Variants in HACD4 observed in about 807,000 individuals in gnomAD.
HACD4 encodes very-long-chain (3R)-3-hydroxyacyl-CoA dehydratase 4.
Under a neutral mutation model 33.3 loss-of-function variants are expected in HACD4, and 35 were observed. The ratio of observed to expected loss-of-function variants is 1.05; its 90% CI spans 0.80 to 1.39. HACD4 has a LOEUF of 1.39. Ranked by LOEUF, HACD4 falls within the 40% of genes most tolerant of loss-of-function variation. HACD4 has a pLI of 0.00. For missense variants in HACD4, 323 were observed against 276.5 expected (o/e 1.17, Z -1.19); for synonymous variants, 118 against 98.0 (o/e 1.20, Z -1.21).
At chr9:21,025,954 C>T (rs1818050185) in intron 3 of HACD4, among the ~76,000 whole-genome samples, 1 of 152,128 alleles carries the variant, frequency 6.6e-6, no homozygotes, top group Admixed American at 6.5e-5. Context: ...ATGTATACAA[C>T]TAGTGCAAAG....
intron 5 of HACD4, among the ~76,000 whole-genome samples, chr9:21,009,275 C>A (rs1160805651): frequency 6.6e-6 from 1 of 152,130 alleles, no homozygotes; most frequent in African/African-American, 2.4e-5. Flanking sequence ...CCATCCAGAG[C>A]ATTATTGACA....
chr9:21,024,890 T>C (rs1020875168), intron 3 of HACD4, among the ~76,000 whole-genome samples: 1 of 152,232 alleles, frequency 6.6e-6, no homozygotes, highest in Non-Finnish European at 1.5e-5. Context: ...TTCCAGATGA[T>C]AGAACACAAC....
chr9:21,016,107 C>T lies in HACD4; in HGVS notation c.271-97G>A, dbSNP rs982120457. On this transcript the variant is annotated intron_variant, in intron 3 of 6. Transcript: ENST00000495827. ...AACCAGATCTCCTTTCAAAAGTATA[C>T]TTTAGCTGGAAATATGTATACTAAA... 5 of 748,832 alleles carry T rather than the reference C, an allele frequency of 6.7e-6. No individual in the cohort carries two copies. The African/African-American group carries it at 8.8e-5, about 13-fold the overall frequency. 46.4% of individuals were successfully genotyped at this position (748,832 alleles called of 1,614,324 possible). A position where few individuals can be genotyped will look rare whatever the true frequency, so the allele number is the denominator to read the frequency against.
chr9:21,022,212 T>C (rs1231807515), intron 3 of HACD4, among the ~76,000 whole-genome samples: 2 of 152,144 alleles, frequency 1.3e-5, no homozygotes, highest in African/African-American at 4.8e-5. Context: ...TTAAACCTTA[T>C]ACAAAAATTA....
intron 5 of HACD4, among the ~76,000 whole-genome samples, chr9:21,008,933 A>T (rs1842341583): frequency 6.6e-6 from 1 of 152,146 alleles, no homozygotes; most frequent in Non-Finnish European, 1.5e-5. Context: ...AAAGATGAAG[A>T]AAAGGCAAGA....
At chr9:21,010,798 G>C (rs1356191370) in intron 5 of HACD4, among the ~76,000 whole-genome samples, 3 of 152,060 alleles carry the variant, frequency 2.0e-5, no homozygotes, top group African/African-American at 7.3e-5. Context: ...GGTGATGGGA[G>C]ACAGTGAAAG....
chr9:21,017,669 C>T (rs966638157), intron 3 of HACD4: 4 of 152,134 alleles, frequency 2.6e-5, no homozygotes, highest in Non-Finnish European at 5.9e-5. Flanking sequence ...GAATAAAATA[C>T]AGATTTCTAA....
intron 3 of HACD4, among the ~76,000 whole-genome samples, chr9:21,019,322 C>T (rs1036294870): frequency 6.6e-6 from 1 of 152,054 alleles, no homozygotes; most frequent in Admixed American, 6.6e-5. Context: ...TATTCAAAAC[C>T]TATGTGACCT....
chr9:21,022,203 T>G (rs1033804767), intron 3 of HACD4, among the ~76,000 whole-genome samples: 2 of 152,226 alleles, frequency 1.3e-5, no homozygotes, highest in Admixed American at 6.5e-5. Flanking sequence ...ATCCCTTCCT[T>G]AAACCTTATA....
At chr9:21,028,355 C>T (rs896305691) in intron 2 of HACD4, among the ~76,000 whole-genome samples, 1 of 152,052 alleles carries the variant, frequency 6.6e-6, no homozygotes, top group African/African-American at 2.4e-5. Flanking sequence ...GAAGTTTTCC[C>T]ATCACCTGTG....
rs1842437282 is a variant in HACD4 at position 21,011,579 on chromosome 9, CTT to C, written c.490+8_490+9del. 2 of 1,540,224 alleles carry C rather than the reference CTT, an allele frequency of 1.3e-6. No homozygotes were observed. The highest frequency in any genetic ancestry group is 9.0e-7 in the Non-Finnish European group (1 of 1,114,190). ...TCAGTAAGCAATACAGCAAGTCACT[CTT>C]TTCTTACCTTCAGCAAGAACACACA... is the stretch of plus-strand genomic sequence containing the variant. On this transcript the variant is annotated splice_region_variant and intron_variant, in intron 5 of 6. Transcript: ENST00000495827.
At chr9:21,031,096 T>A (rs907072718) in intron 1 of HACD4, among the ~76,000 whole-genome samples, 2 of 152,166 alleles carry the variant, frequency 1.3e-5, no homozygotes, top group African/African-American at 4.8e-5. Context: ...TTACCTGGCT[T>A]GTGGGTTAAA....
chr9:21,008,726 A>G (rs1857649), intron 5 of HACD4, among the ~76,000 whole-genome samples: 73,251 of 151,794 alleles, frequency 0.48, 18,716 homozygotes, highest in East Asian at 0.72. Context: ...TAAAAAAAAG[A>G]TTAAAGTTCA....
chr9:21,029,461 C>T (rs1818151115), intron 1 of HACD4, 63 bp from the exon 2 acceptor site: 1 of 1,056,346 alleles, frequency 9.5e-7, no homozygotes, highest in Non-Finnish European at 1.4e-6. Flanking sequence ...TCACTGTACA[C>T]ATGCCCTTTA....
chr9:21,031,173 A>G (rs1818206092), intron 1 of HACD4, among the ~76,000 whole-genome samples: 1 of 152,086 alleles, frequency 6.6e-6, no homozygotes, highest in Non-Finnish European at 1.5e-5. Flanking sequence ...AGGCCCTGAA[A>G]TCTATACGTG....
chr9:21,005,603 G>A lies in HACD4; in HGVS notation c.*1434C>T, dbSNP rs886376580. On this transcript the variant is annotated 3_prime_UTR_variant, in exon 7 of 7. Coordinates refer to ENST00000495827, the MANE Select transcript of HACD4 (RefSeq NM_001010915.5). This position sits in a 1 kb window ranked among gnomAD's most constrained non-coding sequence, Gnocchi z 4.0. ...AAAGGAGAAACTGACCCGGAACAAT[G>A]ATTCAGAGAACATCAGTGGTACCTT... The A allele has an allele frequency of 1.3e-5, 2 of 152,162 alleles. No individual in the cohort carries two copies. Among genetic ancestry groups the A allele is most frequent in the African/African-American group, 4.8e-5 (2 of 41,462 alleles). 9.4% of individuals were successfully genotyped at this position (152,162 alleles called of 1,614,324 possible). A position where few individuals can be genotyped will look rare whatever the true frequency, so the allele number is the denominator to read the frequency against.
intron 3 of HACD4, among the ~76,000 whole-genome samples, chr9:21,024,645 C>G (rs1326341792): frequency 1.3e-5 from 2 of 152,182 alleles, no homozygotes; most frequent in African/African-American, 2.4e-5. Flanking sequence ...TGCACATTTT[C>G]TAGGCACATT....
chr9:21,025,010 T>C (rs1158230184), intron 3 of HACD4, among the ~76,000 whole-genome samples: 1 of 152,136 alleles, frequency 6.6e-6, no homozygotes, highest in African/African-American at 2.4e-5. Context: ...AAATAAGTAA[T>C]AAACACCAAT....
At chr9:21,025,876 A>C (rs139711446) in intron 3 of HACD4, among the ~76,000 whole-genome samples, 3 of 152,218 alleles carry the variant, frequency 2.0e-5, no homozygotes, top group African/African-American at 7.2e-5. Context: ...CAGTTACTTC[A>C]TAAGATACAT....
Sources: gnomAD v4.1 joint callset for allele counts (sites outside exome capture counted in the v4.1 genomes callset) on GRCh38, gnomAD v4.1.1 for gene constraint, Gnocchi (gnomAD v3.1) non-coding constraint, MANE v1.5 for transcripts, NCBI Gene and HGNC (gene_info 2026-07-23, HGNC 2026-07-21) for gene names.